The following PREX1 variants were observed in gnomAD, a reference collection of about 807,000 sequenced individuals.
PREX1 encodes the protein phosphatidylinositol 3,4,5-trisphosphate-dependent Rac exchanger 1 protein.
A neutral mutation model predicts 198.3 loss-of-function variants in PREX1; 41 were observed. The ratio of observed to expected loss-of-function variants is 0.21; its 90% CI spans 0.16 to 0.27. PREX1 has a LOEUF of 0.27. PREX1 is among the 10% of genes least tolerant of loss of function. PREX1 has a pLI of 1.00. For synonymous variants in PREX1, 843 were observed against 887.2 expected (o/e 0.95, Z 0.89); for missense variants, 1,620 against 2,200.7 (o/e 0.74, Z 5.28).
At chr20:48,653,613 C>G in intron 19 of PREX1, 116 bp from the exon 20 acceptor site, 3 of 1,283,518 alleles carry the variant, frequency 2.3e-6, no homozygotes, top group Non-Finnish European at 3.2e-6. Context: ...ACTCCACCTC[C>G]ACCCCTCCCA....
Position 48,726,314 on chromosome 20 carries a change from G to C in PREX1, c.597C>G (p.Ile199Met), listed in dbSNP as rs2090009826. Reference protein sequence around the residue: ...EGYLLSPIQRICKYPLLLKEL... With the variant: ...EGYLLSPIQRMCKYPLLLKEL... ...CCTTAAGGAGGAGCGGGTACTTGCA[G>C]ATCCTCTGGATCGGAGACAACAGGT... Residue 199 changes from isoleucine (I) to methionine (M), a missense_variant, in exon 5 of 40, where the codon ATC (isoleucine) becomes ATG (methionine). Physicochemically the swap from Ile to Met is conservative, Grantham distance 10 (BLOSUM62 1). Around this residue, in one of 7 missense-constraint regions of PREX1, gnomAD observed 488 missense variants for 802.5 expected, o/e 0.61. Coordinates refer to ENST00000371941, the MANE Select transcript of PREX1 (RefSeq NM_020820.4). 6.2e-7 allele frequency: 1 copy of C among 1,613,860 alleles called. No individual in the cohort carries two copies. The highest frequency in any genetic ancestry group is 8.5e-7 in the Non-Finnish European group (1 of 1,179,912).
At chr20:48,640,061 T>A (rs903328715) in intron 29 of PREX1, among the ~76,000 whole-genome samples, 167 bp from the exon 30 acceptor site, 6 of 152,222 alleles carry the variant, frequency 3.9e-5, no homozygotes, top group African/African-American at 1.4e-4. Flanking sequence ...GTAAGTGTGC[T>A]ATTTCATGGT....
chr20:48,855,588 AGAG>A, the PREX1 span, among the ~76,000 whole-genome samples: 2 of 152,206 alleles, frequency 1.3e-5, no homozygotes, highest in Non-Finnish European at 2.9e-5. Flanking sequence ...ACACTCCGGC[AGAG>A]GAGACAGAAA....
chr20:48,806,111 G>C (rs759548154), intron 1 of PREX1, among the ~76,000 whole-genome samples: 2 of 152,196 alleles, frequency 1.3e-5, no homozygotes, highest in Admixed American at 6.5e-5. Context: ...GTAGCAGGTA[G>C]AGTCCAGACA....
chr20:48,827,502 C>A lies in PREX1; in HGVS notation c.219+140G>T, dbSNP rs1030698294. Reference sequence around the variant, plus strand: ...CGACAGCTCTGGAGGAGCTCGGATCCCCCCCGCTTTCCGCGCGCCCTGCGG... The same window carrying A: ...CGACAGCTCTGGAGGAGCTCGGATCACCCCCGCTTTCCGCGCGCCCTGCGG... On this transcript the variant is annotated intron_variant, in intron 1 of 39. Coordinates refer to ENST00000371941, the MANE Select transcript of PREX1 (RefSeq NM_020820.4). This position sits in a 1 kb window ranked among gnomAD's most constrained non-coding sequence, Gnocchi z 4.1. The A allele has an allele frequency of 8.9e-6, 5 of 564,534 alleles. No homozygotes were observed. Among genetic ancestry groups the A allele is most frequent in the African/African-American group, 2.0e-5 (1 of 50,036 alleles). The allele number at this position is 564,534 out of a possible 1,614,324, so 35.0% of individuals were successfully genotyped here. A position where few individuals can be genotyped will look rare whatever the true frequency, so the allele number is the denominator to read the frequency against.
intron 1 of PREX1, among the ~76,000 whole-genome samples, chr20:48,813,207 G>C (rs535931771): frequency 1.3e-5 from 2 of 152,362 alleles, no homozygotes; most frequent in South Asian, 2.1e-4. Flanking sequence ...CTATGAGGTA[G>C]GGACAGCGAT....
chr20:48,853,604 C>G, the PREX1 span, among the ~76,000 whole-genome samples: 1 of 152,230 alleles, frequency 6.6e-6, no homozygotes, highest in Non-Finnish European at 1.5e-5. Context: ...GGTGGGGACA[C>G]AGAGCCAAAC....
At chr20:48,834,937 A>G in the PREX1 span, among the ~76,000 whole-genome samples, 1 of 151,928 alleles carries the variant, frequency 6.6e-6, no homozygotes, top group Non-Finnish European at 1.5e-5. Context: ...TTGTCTTTTT[A>G]GTAGAGATGG....
At chr20:48,766,511 A>G (rs771381499) in intron 1 of PREX1, among the ~76,000 whole-genome samples, 4 of 152,032 alleles carry the variant, frequency 2.6e-5, no homozygotes, top group Non-Finnish European at 5.9e-5. Flanking sequence ...TGTTCCCCAA[A>G]CACACCCAGC....
the PREX1 span, among the ~76,000 whole-genome samples, chr20:48,869,518 T>C: frequency 6.6e-6 from 1 of 152,098 alleles, no homozygotes; most frequent in African/African-American, 2.4e-5. Flanking sequence ...TTCTAGACTG[T>C]TGCATTTTAA....
chr20:48,868,245 T>C, the PREX1 span, among the ~76,000 whole-genome samples: 1 of 152,132 alleles, frequency 6.6e-6, no homozygotes, highest in East Asian at 1.9e-4. Flanking sequence ...AAACCCCTTC[T>C]AGGAGACAGT....
At chr20:48,783,237 T>TGAGGATGA (rs1413745372) in intron 1 of PREX1, among the ~76,000 whole-genome samples, 1 of 151,810 alleles carries the variant, frequency 6.6e-6, no homozygotes, top group East Asian at 1.9e-4. Context: ...GAGAGGGTAG[T>TGAGGATGA]GAGGATGAGA....
Position 48,668,644 on chromosome 20 carries a change from G to A in PREX1, c.1666-2289C>T, listed in dbSNP as rs1489236905. Among the ~76,000 whole-genome samples, 3 of 152,164 alleles carry A rather than the reference G, an allele frequency of 2.0e-5. No individual in the cohort carries two copies. The East Asian group carries it at 5.8e-4, about 29-fold the overall frequency. On this transcript the variant is annotated intron_variant, in intron 14 of 39. Coordinates refer to ENST00000371941, the MANE Select transcript of PREX1 (RefSeq NM_020820.4). ...GGACTCAGCCCTGGGCAGAAGGCCTGGGGCAGAGCCTCTGGCCTTGGCATT... is the reference window on the plus strand; with the variant it reads ...GGACTCAGCCCTGGGCAGAAGGCCTAGGGCAGAGCCTCTGGCCTTGGCATT...
intron 27 of PREX1, among the ~76,000 whole-genome samples, 173 bp downstream of exon 27, chr20:48,644,236 T>C (rs2089435065): frequency 6.6e-6 from 1 of 152,160 alleles, no homozygotes; most frequent in Admixed American, 6.5e-5. Context: ...GCACATAATA[T>C]GGGCTCAAGA....
intron 4 of PREX1, among the ~76,000 whole-genome samples, chr20:48,733,604 A>G (rs948187708): frequency 3.3e-5 from 5 of 152,150 alleles, no homozygotes; most frequent in Admixed American, 3.3e-4. Flanking sequence ...AGAGACATAC[A>G]TTACTGATGA....
chr20:48,692,446 A>G, intron 8 of PREX1: 1 of 441,372 alleles, frequency 2.3e-6, no homozygotes, highest in Non-Finnish European at 4.1e-6. Context: ...TTCTAGGGGG[A>G]AGAAGGCATT....
chr20:48,797,530 C>CCCT (rs2090368533), intron 1 of PREX1, among the ~76,000 whole-genome samples: 2 of 152,058 alleles, frequency 1.3e-5, no homozygotes, highest in South Asian at 4.1e-4. Flanking sequence ...GCTCTCTCTC[C>CCCT]CCTCCCATCC....
intron 1 of PREX1, among the ~76,000 whole-genome samples, chr20:48,794,753 C>T (rs754969483): frequency 3.9e-5 from 6 of 152,192 alleles, no homozygotes; most frequent in South Asian, 4.1e-4. Flanking sequence ...CTACAGTCCT[C>T]GGGGACTGGG....
the PREX1 span, among the ~76,000 whole-genome samples, chr20:48,867,145 A>AAGTGGGCTGCTCCCC: frequency 6.6e-6 from 1 of 152,266 alleles, no homozygotes; most frequent in South Asian, 2.1e-4. Context: ...GCCCAGCCTC[A>AAGTGGGCTGCTCCCC]AGCCCACTTA....
Sources: allele counts gnomAD v4.1 joint callset (sites outside exome capture counted in the v4.1 genomes callset), GRCh38; gene constraint gnomAD v4.1.1; regional missense constraint gnomAD v4.1.1; non-coding constraint Gnocchi (gnomAD v3.1); transcripts MANE v1.5; gene names NCBI Gene and HGNC (gene_info 2026-07-23, HGNC 2026-07-21).